LHPP: variants seen among roughly 807,000 people sequenced by gnomAD.
LHPP encodes phospholysine phosphohistidine inorganic pyrophosphate phosphatase.
LHPP carries 24 observed loss-of-function variants against 30.3 expected under a neutral mutation model. That is an observed-to-expected ratio of 0.79 (90% CI 0.57 to 1.11). The LOEUF (loss-of-function observed/expected upper bound fraction) is 1.11. Among genes scored for constraint, LHPP ranks in the 50% most tolerant of loss-of-function variants. LHPP has a pLI of 0.00. For missense variants in LHPP, 356 were observed against 367.2 expected (o/e 0.97, Z 0.25); for synonymous variants, 150 against 157.1 (o/e 0.95, Z 0.34).
At chr10:124,532,047 G>A (rs146589842) in intron 6 of LHPP, among the ~76,000 whole-genome samples, 77 of 152,328 alleles carry the variant, frequency 5.1e-4, no homozygotes, top group African/African-American at 1.7e-3. Flanking sequence ...TCTGTTAACC[G>A]TCATCACTGG....
intron 6 of LHPP, among the ~76,000 whole-genome samples, chr10:124,563,382 C>T (rs1257123842): frequency 2.1e-5 from 3 of 144,788 alleles, no homozygotes; most frequent in African/African-American, 7.7e-5. Context: ...CTCACAATGA[C>T]TTGGATGGAC....
At chr10:124,553,032 C>T (rs746607017) in intron 6 of LHPP, among the ~76,000 whole-genome samples, 1 of 152,248 alleles carries the variant, frequency 6.6e-6, no homozygotes, top group Admixed American at 6.5e-5. Context: ...CGCCGCTCAG[C>T]GCTCCGCGGC....
intron 2 of LHPP, among the ~76,000 whole-genome samples, chr10:124,485,011 T>C (rs749958333): frequency 5.3e-5 from 8 of 152,184 alleles, no homozygotes; most frequent in African/African-American, 9.6e-5. Flanking sequence ...TGCACCTTCT[T>C]CCTTCCTCTG....
chr10:124,610,915 T>G (rs1949182946), intron 6 of LHPP, among the ~76,000 whole-genome samples: 1 of 69,730 alleles, frequency 1.4e-5, no homozygotes, highest in Non-Finnish European at 2.9e-5. Flanking sequence ...GTGAGGGTGC[T>G]GATGGAGCGG....
intron 1 of LHPP, among the ~76,000 whole-genome samples, chr10:124,477,971 C>T (rs1805938717): frequency 2.0e-5 from 3 of 152,112 alleles, no homozygotes; most frequent in Admixed American, 2.0e-4. Flanking sequence ...GGGGTGACTC[C>T]TCTGTTGGTA....
At chr10:124,612,267 G>C (rs370554137) in intron 6 of LHPP, among the ~76,000 whole-genome samples, 1 of 152,162 alleles carries the variant, frequency 6.6e-6, no homozygotes, top group African/African-American at 2.4e-5. Context: ...AAAGCCGGGC[G>C]TGGTGGCGGG....
intron 6 of LHPP, among the ~76,000 whole-genome samples, chr10:124,582,756 G>A (rs1948758317): frequency 6.6e-6 from 1 of 152,012 alleles, no homozygotes; most frequent in Admixed American, 6.6e-5. Flanking sequence ...TGTAATCCCA[G>A]CACTTTAGGA....
intron 6 of LHPP, among the ~76,000 whole-genome samples, chr10:124,536,059 T>C (rs1955016303): frequency 6.6e-6 from 1 of 152,262 alleles, no homozygotes; most frequent in Admixed American, 6.5e-5. Context: ...ACCAGTGATC[T>C]TCTGCCCTGT....
At chr10:124,470,774 G>T (rs1198114524) in intron 1 of LHPP, among the ~76,000 whole-genome samples, 1 of 152,090 alleles carries the variant, frequency 6.6e-6, no homozygotes, top group South Asian at 2.1e-4. Context: ...TGCCGGAGGG[G>T]TCTGGCAGGA....
At chr10:124,531,235 C>T (rs185530390) in intron 6 of LHPP, among the ~76,000 whole-genome samples, 11 of 152,332 alleles carry the variant, frequency 7.2e-5, no homozygotes, top group South Asian at 2.1e-4. Context: ...CCCCACACCC[C>T]GTCTCAAGGT....
chr10:124,611,575 TCA>T (rs1229039030), intron 6 of LHPP, among the ~76,000 whole-genome samples: 1 of 151,140 alleles, frequency 6.6e-6, no homozygotes, highest in African/African-American at 2.4e-5. Flanking sequence ...AGGTATACCC[TCA>T]CAGTCACAGG....
intron 6 of LHPP, among the ~76,000 whole-genome samples, chr10:124,548,195 C>T (rs866269995): frequency 1.3e-5 from 2 of 151,832 alleles, no homozygotes; most frequent in South Asian, 2.1e-4. Flanking sequence ...CCTTGGGGCC[C>T]GGCCACTCCA....
chr10:124,560,468 G>A (rs1336530390), intron 6 of LHPP, among the ~76,000 whole-genome samples: 1 of 152,242 alleles, frequency 6.6e-6, no homozygotes, highest in Non-Finnish European at 1.5e-5. Context: ...AGACCAGATT[G>A]CTGAGTCTTA....
At chr10:124,472,183 T>C (rs1002469592) in intron 1 of LHPP, among the ~76,000 whole-genome samples, 6 of 150,990 alleles carry the variant, frequency 4.0e-5, no homozygotes, top group African/African-American at 1.5e-4. Flanking sequence ...TGTGGTGTTG[T>C]GCGCCTGTAA....
rs749084507 is a variant in LHPP, at chr10:124,576,198, T to C, written c.717-37066T>C. Among the ~76,000 whole-genome samples, 6 of 152,082 alleles carry C rather than the reference T, an allele frequency of 3.9e-5. No individual in the cohort carries two copies. The highest frequency in any genetic ancestry group is 7.4e-5 in the Non-Finnish European group (5 of 67,984). On this transcript the variant is annotated intron_variant, in intron 6 of 6. Transcript: ENST00000368842. The surrounding 1 kb of genome is among the most constrained non-coding windows in gnomAD (Gnocchi z 4.2). ...ATAATTGTACTGCCTAATAGAGTGCTCACACATGTTAAAACTACCTGGCAG... is the reference window on the plus strand; with the variant it reads ...ATAATTGTACTGCCTAATAGAGTGCCCACACATGTTAAAACTACCTGGCAG...
chr10:124,607,224 G>C (rs113826518), intron 6 of LHPP, among the ~76,000 whole-genome samples: 3 of 152,300 alleles, frequency 2.0e-5, no homozygotes, highest in African/African-American at 7.2e-5. Flanking sequence ...AGGTCCACAG[G>C]TCACAGGGCA....
chr10:124,521,511 T>A (rs772455828), intron 6 of LHPP, among the ~76,000 whole-genome samples: 8 of 152,222 alleles, frequency 5.3e-5, no homozygotes, highest in Non-Finnish European at 1.2e-4. Flanking sequence ...CAATGACCAC[T>A]GGATGGGTCA....
chr10:124,467,572 C>T (rs1259743510), intron 1 of LHPP, among the ~76,000 whole-genome samples: 1 of 148,608 alleles, frequency 6.7e-6, no homozygotes, highest in Non-Finnish European at 1.5e-5. Flanking sequence ...GGCTGGAGTG[C>T]AGTGACACAA....
chr10:124,470,215 G>A (rs1422129771), intron 1 of LHPP, among the ~76,000 whole-genome samples: 1 of 152,210 alleles, frequency 6.6e-6, no homozygotes, highest in African/African-American at 2.4e-5. Context: ...CCTATGGCTG[G>A]GAGGCATCTG....
Sources: gnomAD v4.1 joint callset for allele counts (sites outside exome capture counted in the v4.1 genomes callset) on GRCh38, gnomAD v4.1.1 for gene constraint, Gnocchi (gnomAD v3.1) non-coding constraint, MANE v1.5 for transcripts, NCBI Gene and HGNC (gene_info 2026-07-23, HGNC 2026-07-21) for gene names.